The following SLC1A1 variants were observed in gnomAD, a reference collection of about 807,000 sequenced individuals.
The protein encoded by SLC1A1 is excitatory amino acid transporter 3.
SLC1A1 carries 43 observed loss-of-function variants against 53.3 expected under a neutral mutation model. That is an observed-to-expected ratio of 0.81 (90% CI 0.63 to 1.04). The LOEUF is 1.04. Among genes scored for constraint, SLC1A1 ranks in the 50% least tolerant of loss-of-function variants. The pLI, the probability that SLC1A1 is intolerant of heterozygous loss-of-function variation, is 0.00. For synonymous variants in SLC1A1, 307 were observed against 243.2 expected (o/e 1.26, Z -2.44); for missense variants, 748 against 664.9 (o/e 1.12, Z -1.37).
intron 2 of SLC1A1, among the ~76,000 whole-genome samples, chr9:4,558,149 G>A (rs138235182): frequency 6.6e-6 from 1 of 152,246 alleles, no homozygotes; most frequent in African/African-American, 2.4e-5. Flanking sequence ...ATTAAGTTCT[G>A]TAATGTTCCT....
chr9:4,573,717 T>G (rs1027563547), intron 7 of SLC1A1, among the ~76,000 whole-genome samples, 190 bp from the exon 8 acceptor site: 3 of 152,090 alleles, frequency 2.0e-5, no homozygotes, highest in Non-Finnish European at 4.4e-5. Context: ...TGCACACAGG[T>G]ACTAAAAACT....
intron 1 of SLC1A1, among the ~76,000 whole-genome samples, chr9:4,523,042 A>G (rs1440715149): frequency 3.3e-5 from 5 of 152,148 alleles, no homozygotes; most frequent in Non-Finnish European, 5.9e-5. Flanking sequence ...TGAGATAGGT[A>G]CCTATTTGTG....
intron 1 of SLC1A1, among the ~76,000 whole-genome samples, chr9:4,540,107 C>G (rs1220243073): frequency 6.6e-6 from 1 of 152,050 alleles, no homozygotes; most frequent in Non-Finnish European, 1.5e-5. Flanking sequence ...TCTCCAACAG[C>G]AGAGAAAGGA....
chr9:4,560,684 T>C (rs1003672798), intron 2 of SLC1A1, among the ~76,000 whole-genome samples: 1 of 150,028 alleles, frequency 6.7e-6, no homozygotes, highest in Non-Finnish European at 1.5e-5. Context: ...AGTTACATGA[T>C]TCTCAAGTGT....
At chr9:4,546,425 T>C (rs1817499084) in intron 2 of SLC1A1, among the ~76,000 whole-genome samples, 1 of 151,770 alleles carries the variant, frequency 6.6e-6, no homozygotes, top group Non-Finnish European at 1.5e-5. Flanking sequence ...GCTGGCTTTC[T>C]CTGAAAAAAA....
chr9:4,532,206 G>C (rs1332130078), intron 1 of SLC1A1, among the ~76,000 whole-genome samples: 2 of 152,200 alleles, frequency 1.3e-5, no homozygotes, highest in Non-Finnish European at 2.9e-5. Context: ...GCTGGAGGGA[G>C]AATGAGAATG....
At chr9:4,584,374 G>A (rs570373594) in intron 11 of SLC1A1, among the ~76,000 whole-genome samples, 1 of 152,266 alleles carries the variant, frequency 6.6e-6, no homozygotes, top group Admixed American at 6.5e-5. Flanking sequence ...GATGCTGGTG[G>A]ATTTGCATTT....
At chr9:4,570,292 G>A (rs1819902557) in intron 6 of SLC1A1, among the ~76,000 whole-genome samples, 1 of 152,132 alleles carries the variant, frequency 6.6e-6, no homozygotes, top group African/African-American at 2.4e-5. Context: ...GCTATAGCCA[G>A]TGCAGTAATA....
intron 2 of SLC1A1, among the ~76,000 whole-genome samples, chr9:4,558,098 G>T (rs566456241): frequency 9.9e-5 from 15 of 152,274 alleles, no homozygotes; most frequent in African/African-American, 3.4e-4. Flanking sequence ...ATTACTCGCA[G>T]ATGGGGTGTT....
intron 1 of SLC1A1, among the ~76,000 whole-genome samples, chr9:4,499,421 G>C (rs770614501): frequency 6.6e-6 from 1 of 152,152 alleles, no homozygotes; most frequent in African/African-American, 2.4e-5. Context: ...CCTCGCCAAA[G>C]TTCTACATAT....
chr9:4,585,244 G>C, intron 11 of SLC1A1, 68 bp from the exon 12 acceptor site: 1 of 1,590,536 alleles, frequency 6.3e-7, no homozygotes, highest in Non-Finnish European at 8.6e-7. Flanking sequence ...TCAGGTCCTT[G>C]CATCTCTCCA....
intron 1 of SLC1A1, among the ~76,000 whole-genome samples, chr9:4,492,616 T>C (rs1467184581): frequency 6.6e-6 from 1 of 151,574 alleles, no homozygotes; most frequent in East Asian, 1.9e-4. Context: ...CTGGGCAACA[T>C]GGCAAAATGC....
At chr9:4,552,026 GC>G (rs1249883089) in intron 2 of SLC1A1, among the ~76,000 whole-genome samples, 2 of 152,214 alleles carry the variant, frequency 1.3e-5, no homozygotes, top group African/African-American at 2.4e-5. Context: ...AGACAGTGAA[GC>G]CCAGAGAATC....
chr9:4,544,333 A>T (rs1817274956), intron 1 of SLC1A1, among the ~76,000 whole-genome samples: 1 of 152,258 alleles, frequency 6.6e-6, no homozygotes, highest in Admixed American at 6.5e-5. Flanking sequence ...AAGAAATGAC[A>T]ACAAAGCTTT....
intron 2 of SLC1A1, among the ~76,000 whole-genome samples, chr9:4,555,924 A>G (rs976624295): frequency 1.3e-5 from 2 of 152,190 alleles, no homozygotes; most frequent in Non-Finnish European, 2.9e-5. Context: ...TAACCTTCGT[A>G]AACTATAGTT....
At chr9:4,507,434 T>C (rs1416018879) in intron 1 of SLC1A1, among the ~76,000 whole-genome samples, 1 of 152,216 alleles carries the variant, frequency 6.6e-6, no homozygotes, top group African/African-American at 2.4e-5. Flanking sequence ...TTTGAAATCA[T>C]GAAGTTCCTT....
chr9:4,504,387 A>T (rs181116703), intron 1 of SLC1A1, among the ~76,000 whole-genome samples: 1 of 152,224 alleles, frequency 6.6e-6, no homozygotes, highest in African/African-American at 2.4e-5. Flanking sequence ...TATTTCTATG[A>T]TAAGAAATTA....
chr9:4,509,477 A>T (rs941454829), intron 1 of SLC1A1, among the ~76,000 whole-genome samples: 3 of 149,094 alleles, frequency 2.0e-5, no homozygotes, highest in African/African-American at 7.3e-5. Context: ...TCCACAGTAC[A>T]GTGAGGGCTG....
At chr9:4,554,508 G>A (rs898588065) in intron 2 of SLC1A1, 1 of 152,406 alleles carries the variant, frequency 6.6e-6, no homozygotes, top group Admixed American at 6.5e-5. Flanking sequence ...ATCAGGGAAG[G>A]ATTCTGAGGA....
Sources: allele counts gnomAD v4.1 joint callset (sites outside exome capture counted in the v4.1 genomes callset), GRCh38; gene constraint gnomAD v4.1.1; transcripts MANE v1.5; gene names NCBI Gene and HGNC (gene_info 2026-07-23, HGNC 2026-07-21).